Variants in TIMD4 observed in about 807,000 individuals in gnomAD.
TIMD4 encodes T cell immunoglobulin and mucin domain containing 4, also known as T-cell immunoglobulin and mucin domain-containing protein 4.
In TIMD4, 31 loss-of-function variants were observed where a neutral mutation model predicts 41.2. The ratio of observed to expected loss-of-function variants is 0.75; its 90% CI spans 0.57 to 1.01. TIMD4 has a LOEUF of 1.01. Among genes scored for constraint, TIMD4 ranks in the 50% least tolerant of loss-of-function variants. TIMD4 has a pLI of 0.00. For synonymous variants in TIMD4, 204 were observed against 177.1 expected (o/e 1.15, Z -1.21); for missense variants, 479 against 472.5 (o/e 1.01, Z -0.13).
At chr5:156,926,435 G>T in intron 5 of TIMD4, 123 bp from the exon 6 acceptor site, 3 of 929,330 alleles carry the variant, frequency 3.2e-6, no homozygotes, top group South Asian at 1.5e-5. Context: ...ATTTAATCCC[G>T]TGTTTTTTGT....
chr5:156,951,365 G>T, intron 3 of TIMD4, 147 bp downstream of exon 3: 1 of 983,716 alleles, frequency 1.0e-6, no homozygotes. Flanking sequence ...TACCCAGTCT[G>T]CGGTGTTTGT....
chr5:156,944,051 A>T (rs1403301888), intron 5 of TIMD4, among the ~76,000 whole-genome samples: 4 of 149,552 alleles, frequency 2.7e-5, no homozygotes, highest in Non-Finnish European at 4.4e-5. Context: ...CAGAGGTGAG[A>T]CTCTGTCTCA....
chr5:156,954,875 T>G, intron 1 of TIMD4, 119 bp from the exon 2 acceptor site: 1 of 898,130 alleles, frequency 1.1e-6, no homozygotes, highest in Non-Finnish European at 1.7e-6. Context: ...TCTATGTTTC[T>G]TTTCTTTCCT....
intron 6 of TIMD4, among the ~76,000 whole-genome samples, chr5:156,923,693 G>A (rs868170332): frequency 2.0e-5 from 3 of 149,018 alleles, no homozygotes; most frequent in African/African-American, 7.4e-5. Flanking sequence ...CATGCATCAC[G>A]ATGCCTGGCT....
intron 5 of TIMD4, among the ~76,000 whole-genome samples, chr5:156,930,587 A>G (rs763035921): frequency 6.6e-6 from 1 of 152,348 alleles, no homozygotes; most frequent in Admixed American, 6.5e-5. Context: ...GGTACTCACC[A>G]TGAGTGTAGC....
At chr5:156,945,554 G>A (rs1236009135) in intron 5 of TIMD4, among the ~76,000 whole-genome samples, 1 of 152,128 alleles carries the variant, frequency 6.6e-6, no homozygotes, top group Non-Finnish European at 1.5e-5. Context: ...ATCCTCGGTG[G>A]ATGTTAACCA....
intron 5 of TIMD4, among the ~76,000 whole-genome samples, chr5:156,945,680 G>GTTTTGTGTAATT (rs1759726748): frequency 6.6e-6 from 1 of 152,164 alleles, no homozygotes; most frequent in East Asian, 1.9e-4. Flanking sequence ...AAGCATGCGT[G>GTTTTGTGTAATT]TAATGTTTGT....
At chr5:156,923,655 C>A in intron 6 of TIMD4, among the ~76,000 whole-genome samples, 1 of 152,022 alleles carries the variant, frequency 6.6e-6, no homozygotes. Context: ...CCTCCCACCT[C>A]AGCCTCCTGA....
At chr5:156,948,740 A>G (rs959504055) in intron 4 of TIMD4, among the ~76,000 whole-genome samples, 2 of 152,232 alleles carry the variant, frequency 1.3e-5, no homozygotes, top group African/African-American at 4.8e-5. Flanking sequence ...AGGCCCAGAG[A>G]GATTAGGTAG....
chr5:156,945,680 G>A (rs991315900), intron 5 of TIMD4, among the ~76,000 whole-genome samples: 1 of 152,164 alleles, frequency 6.6e-6, no homozygotes, highest in Non-Finnish European at 1.5e-5. Context: ...AAGCATGCGT[G>A]TAATGTTTGT....
At chr5:156,962,283 A>G (rs1018325374) in intron 1 of TIMD4, among the ~76,000 whole-genome samples, 4 of 152,230 alleles carry the variant, frequency 2.6e-5, no homozygotes, top group Non-Finnish European at 4.4e-5. Context: ...CTCAGCACAA[A>G]GAAATTTAAA....
At chr5:156,921,388 A>T (rs1279812085) in intron 7 of TIMD4, among the ~76,000 whole-genome samples, 1 of 151,996 alleles carries the variant, frequency 6.6e-6, no homozygotes, top group South Asian at 2.1e-4. Flanking sequence ...TGGGAGGCTA[A>T]AGTGGGTGGA....
At chr5:156,924,907 A>G (rs1050137760) in intron 6 of TIMD4, among the ~76,000 whole-genome samples, 2 of 152,180 alleles carry the variant, frequency 1.3e-5, no homozygotes, top group Non-Finnish European at 2.9e-5. Context: ...AACAAATCTG[A>G]AATCCTTTCA....
intron 6 of TIMD4, among the ~76,000 whole-genome samples, chr5:156,926,000 T>C (rs927083915): frequency 6.6e-6 from 1 of 152,196 alleles, no homozygotes; most frequent in African/African-American, 2.4e-5. Context: ...GCCTCCTGGG[T>C]TCAAGCAATT....
chr5:156,961,808 CA>C (rs71578911), intron 1 of TIMD4, among the ~76,000 whole-genome samples: 316 of 27,898 alleles, frequency 0.011, no homozygotes, highest in Middle Eastern at 0.036. Flanking sequence ...GACTCCGTCT[CA>C]AAAAAAAAAA....
Position 156,954,555 on chromosome 5 carries a change from T to C in TIMD4, c.260A>G (p.Gln87Arg). 2 of 1,614,280 alleles carry C rather than the reference T, an allele frequency of 1.2e-6. No homozygotes were observed. Among genetic ancestry groups the C allele is most frequent in the Non-Finnish European group, 1.7e-6 (2 of 1,180,054 alleles). Residue 87 changes from glutamine to arginine, a missense_variant, in exon 2 of 9, where the codon CAG becomes CGG. By Grantham distance (43) the Gln-to-Arg change is conservative. Transcript: ENST00000274532. ...GACATCACCTCTCGGGATAGTCCCC[T>C]GAAGTCTATATTTTGCTGACTTTCT... ...TSRKSAKYRL[Q>R]GTIPRGDVSL...
intron 1 of TIMD4, among the ~76,000 whole-genome samples, chr5:156,957,024 C>A (rs1216345197): frequency 6.6e-6 from 1 of 150,466 alleles, no homozygotes; most frequent in Non-Finnish European, 1.5e-5. Flanking sequence ...TGGGGTTTTT[C>A]ACAGTTGGCT....
At chr5:156,958,429 C>T (rs546248477) in intron 1 of TIMD4, among the ~76,000 whole-genome samples, 2 of 151,594 alleles carry the variant, frequency 1.3e-5, no homozygotes, top group Non-Finnish European at 2.9e-5. Flanking sequence ...ATAGACAATT[C>T]GTAGATAAGG....
intron 5 of TIMD4, among the ~76,000 whole-genome samples, chr5:156,940,166 C>G (rs577548840): frequency 1.3e-5 from 2 of 152,252 alleles, no homozygotes; most frequent in Admixed American, 6.5e-5. Context: ...CCCTGTTGGC[C>G]GGGCTGGTCT....
Sources: gnomAD v4.1 joint callset for allele counts (sites outside exome capture counted in the v4.1 genomes callset) on GRCh38, gnomAD v4.1.1 for gene constraint, MANE v1.5 for transcripts, NCBI Gene and HGNC (gene_info 2026-07-23, HGNC 2026-07-21) for gene names.